ADGRB3: variants seen among roughly 807,000 people sequenced by gnomAD.
The protein encoded by ADGRB3 is brain-specific angiogenesis inhibitor 3.
ADGRB3 carries 37 observed loss-of-function variants against 193.4 expected under a neutral mutation model. That is an observed-to-expected ratio of 0.19 (90% CI 0.15 to 0.25). ADGRB3 has a LOEUF of 0.25. ADGRB3 is among the 10% of genes least tolerant of loss of function. The pLI is 1.00. For synonymous variants in ADGRB3, 690 were observed against 644.2 expected (o/e 1.07, Z -1.08); for missense variants, 1,637 against 1,852.9 (o/e 0.88, Z 2.14).
chr6:68,985,252 G>C (rs1377042695), intron 10 of ADGRB3, among the ~76,000 whole-genome samples: 1 of 152,128 alleles, frequency 6.6e-6, no homozygotes, highest in African/African-American at 2.4e-5. Context: ...TAGAAATGTA[G>C]CATCTTAGAC....
At chr6:69,268,714 C>T (rs994776572) in intron 20 of ADGRB3, among the ~76,000 whole-genome samples, 2 of 152,126 alleles carry the variant, frequency 1.3e-5, no homozygotes, top group African/African-American at 4.8e-5. Flanking sequence ...TAACTTTGCT[C>T]TTCTGTCATT....
At chr6:69,210,642 CAAAGTGTTGGGAAT>C (rs1233762429) in intron 17 of ADGRB3, among the ~76,000 whole-genome samples, 3 of 152,068 alleles carry the variant, frequency 2.0e-5, no homozygotes, top group African/African-American at 4.8e-5. Context: ...CTTGCTTTCC[CAAAGTGTTGGGAAT>C]GCAGACATAA....
chr6:68,786,593 C>G (rs1766976352), intron 3 of ADGRB3, among the ~76,000 whole-genome samples: 1 of 152,162 alleles, frequency 6.6e-6, no homozygotes, highest in East Asian at 1.9e-4. Context: ...AGCATGATGC[C>G]TCCAGCTTTG....
At chr6:69,155,874 A>G (rs1774821351) in intron 17 of ADGRB3, among the ~76,000 whole-genome samples, 1 of 152,198 alleles carries the variant, frequency 6.6e-6, no homozygotes, top group African/African-American at 2.4e-5. Flanking sequence ...TTGAGTACTA[A>G]TATATTTTTT....
Position 69,206,735 on chromosome 6 carries a change from A to G in ADGRB3, c.2481-26555A>G, listed in dbSNP as rs145979667. On this transcript the variant is annotated intron_variant, in intron 17 of 31. Coordinates refer to ENST00000370598, the MANE Select transcript of ADGRB3 (RefSeq NM_001704.3). ...AAAAGAAGGAGAAAATACTCATGAG[A>G]GTTACAGTCCTCGTTTCTGCAGCTG... 4.6e-3 allele frequency among the ~76,000 whole-genome samples: 696 copies of G among 152,292 alleles called. 9 individuals are homozygous for G. The highest frequency in any genetic ancestry group is 0.016 in the African/African-American group (663 of 41,562).
At chr6:69,000,601 C>T (rs1381608424) in intron 11 of ADGRB3, among the ~76,000 whole-genome samples, 1 of 151,960 alleles carries the variant, frequency 6.6e-6, no homozygotes, top group Non-Finnish European at 1.5e-5. Context: ...ACAAAAAGCC[C>T]CAAAAGTATG....
intron 3 of ADGRB3, among the ~76,000 whole-genome samples, chr6:68,826,827 A>T (rs79913344): frequency 2.0e-5 from 3 of 152,302 alleles, no homozygotes; most frequent in Non-Finnish European, 4.4e-5. Context: ...GTCAAGAATG[A>T]CTACATTGTT....
chr6:68,738,447 G>T, intron 3 of ADGRB3, among the ~76,000 whole-genome samples: 1 of 152,196 alleles, frequency 6.6e-6, no homozygotes, highest in South Asian at 2.1e-4. Flanking sequence ...GCAGGGAGAT[G>T]AATTAGGGGG....
chr6:68,933,031 A>G (rs17398479), intron 4 of ADGRB3, among the ~76,000 whole-genome samples: 21,151 of 150,152 alleles, frequency 0.14, 1,976 homozygotes, highest in Middle Eastern at 0.23. Flanking sequence ...TTGGATATAA[A>G]TGATGGTGCT....
intron 3 of ADGRB3, among the ~76,000 whole-genome samples, chr6:68,726,308 G>T (rs1765673609): frequency 6.6e-6 from 1 of 151,628 alleles, no homozygotes; most frequent in Admixed American, 6.6e-5. Flanking sequence ...ATTCAGAGAG[G>T]AAGAAATTAA....
chr6:68,949,258 C>T (rs192066029), intron 6 of ADGRB3, among the ~76,000 whole-genome samples: 3 of 152,170 alleles, frequency 2.0e-5, no homozygotes, highest in African/African-American at 4.8e-5. Context: ...CTCATACAAG[C>T]TGTGTCAGTC....
chr6:69,100,900 A>G (rs1226186043), intron 17 of ADGRB3, among the ~76,000 whole-genome samples: 13 of 41,126 alleles, frequency 3.2e-4, no homozygotes, highest in East Asian at 1.4e-3. Flanking sequence ...GAAGGAAGGA[A>G]GAAGCGAGGG....
intron 3 of ADGRB3, among the ~76,000 whole-genome samples, chr6:68,802,183 C>CGTGTGTGTGTGTGT (rs9294808): frequency 7.0e-6 from 1 of 142,734 alleles, no homozygotes; most frequent in African/African-American, 2.6e-5. Context: ...TGCACATATG[C>CGTGTGTGTGTGTGT]GTGTGTGTGT....
rs1425944602 is a variant in ADGRB3, at chr6:68,659,479, A to G, written c.757+20047A>G. Among the ~76,000 whole-genome samples, 8 of 150,864 alleles carry G rather than the reference A, an allele frequency of 5.3e-5. No individual in the cohort carries two copies. The East Asian group carries it at 1.6e-3, about 29-fold the overall frequency. On this transcript the variant is annotated intron_variant, in intron 3 of 31. Coordinates refer to ENST00000370598, the MANE Select transcript of ADGRB3 (RefSeq NM_001704.3). ...TTATTTATTTTGTTTTCTTGAATTT[A>G]TTTCATATTTATATATGCGAAGAAG... is the stretch of plus-strand genomic sequence containing the variant.
chr6:68,939,153 C>G lies in ADGRB3; in HGVS notation c.1030+2473C>G, dbSNP rs573882948. ...CTTCTCCCCCACAGAACTGCCAAAT[C>G]CACCTTTGCACTGTGTCCGATGTCC... On this transcript the variant is annotated intron_variant, in intron 5 of 31. Transcript: ENST00000370598. Among the ~76,000 whole-genome samples the G allele has an allele frequency of 2.2e-4, 33 of 152,258 alleles. No individual in the cohort carries two copies. In the South Asian group the frequency reaches 6.2e-3, roughly 29 times the overall value.
At chr6:69,183,938 A>G (rs746388343) in intron 17 of ADGRB3, among the ~76,000 whole-genome samples, 1 of 152,136 alleles carries the variant, frequency 6.6e-6, no homozygotes, top group African/African-American at 2.4e-5. Context: ...TTATTATGGA[A>G]AGTTAACTAA....
intron 17 of ADGRB3, among the ~76,000 whole-genome samples, chr6:69,095,460 T>A (rs1772846565): frequency 6.6e-6 from 1 of 152,154 alleles, no homozygotes. Context: ...CATAAAGTTC[T>A]TTAAAGGCAC....
chr6:69,111,755 G>A (rs935823974), intron 17 of ADGRB3, among the ~76,000 whole-genome samples: 2 of 152,120 alleles, frequency 1.3e-5, no homozygotes, highest in African/African-American at 4.8e-5. Context: ...TGAAAATATT[G>A]TTTCACCTTA....
intron 3 of ADGRB3, among the ~76,000 whole-genome samples, chr6:68,893,211 TAA>T (rs1766127904): frequency 6.6e-6 from 1 of 152,022 alleles, no homozygotes; most frequent in Non-Finnish European, 1.5e-5. Context: ...GCAGGAAAAA[TAA>T]AGACTATTAC....
Sources: allele counts gnomAD v4.1 joint callset (sites outside exome capture counted in the v4.1 genomes callset), GRCh38; gene constraint gnomAD v4.1.1; transcripts MANE v1.5; gene names NCBI Gene and HGNC (gene_info 2026-07-23, HGNC 2026-07-21).